PRKCD: variants seen among roughly 807,000 people sequenced by gnomAD.
PRKCD encodes protein kinase C delta type.
In PRKCD, 20 loss-of-function variants were observed where a neutral mutation model predicts 82.2. That is an observed-to-expected ratio of 0.24 (90% CI 0.17 to 0.35). PRKCD has a LOEUF of 0.35. PRKCD is among the 10% of genes least tolerant of loss of function. The pLI is 1.00. For missense variants in PRKCD, 607 were observed against 899.0 expected (o/e 0.68, Z 4.15); for synonymous variants, 317 against 337.0 (o/e 0.94, Z 0.65).
At chr3:53,186,104 T>A in intron 12 of PRKCD, 63 bp from the exon 13 acceptor site, 1 of 1,607,786 alleles carries the variant, frequency 6.2e-7, no homozygotes, top group Non-Finnish European at 8.5e-7. Flanking sequence ...GGTGGGAGTC[T>A]GTGAATCGGG....
At chr3:53,179,214 A>T (rs1416984423) in intron 3 of PRKCD, among the ~76,000 whole-genome samples, 1 of 152,202 alleles carries the variant, frequency 6.6e-6, no homozygotes, top group African/African-American at 2.4e-5. Context: ...GGGCCTGGGG[A>T]TCCAGGAGGA....
At chr3:53,161,801 T>A (rs1575519186) in intron 1 of PRKCD, among the ~76,000 whole-genome samples, 1 of 149,510 alleles carries the variant, frequency 6.7e-6, no homozygotes, top group East Asian at 2.0e-4. Flanking sequence ...GATCCTTCTG[T>A]CCCTCGCCAC....
At position 53,187,239 on chromosome 3, in the gene PRKCD, T is replaced by C. The variant is rs528247585; in HGVS notation, c.1353-101T>C. 44 of 1,288,640 alleles carry C rather than the reference T, an allele frequency of 3.4e-5. 1 individual carries two copies. In the South Asian group the frequency reaches 5.2e-4, roughly 15 times the overall value. The allele number at this position is 1,288,640 out of a possible 1,614,324, so 79.8% of individuals were successfully genotyped here. ...TGCTCAGGTGGTCCATGGAGTTATTTGCAGCATTTCTTGCTCCTGGAAGTG... is the reference window on the plus strand; with the variant it reads ...TGCTCAGGTGGTCCATGGAGTTATTCGCAGCATTTCTTGCTCCTGGAAGTG... On this transcript the variant is annotated intron_variant, in intron 14 of 18. Coordinates refer to ENST00000330452, the MANE Select transcript of PRKCD (RefSeq NM_006254.4).
Position 53,169,538 on chromosome 3 carries a change from G to A in PRKCD, c.-20+4323G>A, listed in dbSNP as rs1702948228. 6.6e-6 allele frequency among the ~76,000 whole-genome samples: 1 copy of A among 152,202 alleles called. No homozygotes were observed. The highest frequency in any genetic ancestry group is 2.4e-5 in the African/African-American group (1 of 41,454). ...CCGTGTTGGGTAAACAGGCAGAGCAGAGCAGGCAGTCGCCAAGGCCTGAGG... is the reference window on the plus strand; with the variant it reads ...CCGTGTTGGGTAAACAGGCAGAGCAAAGCAGGCAGTCGCCAAGGCCTGAGG... On this transcript the variant is annotated intron_variant, in intron 2 of 18. Coordinates refer to ENST00000330452, the MANE Select transcript of PRKCD (RefSeq NM_006254.4). The surrounding 1 kb of genome is among the most constrained non-coding windows in gnomAD (Gnocchi z 4.7).
chr3:53,172,828 C>G (rs1179660378), intron 2 of PRKCD, among the ~76,000 whole-genome samples: 1 of 152,186 alleles, frequency 6.6e-6, no homozygotes, highest in East Asian at 1.9e-4. Flanking sequence ...GCAGCCTGAT[C>G]AAGCCTCTTT....
intron 1 of PRKCD, among the ~76,000 whole-genome samples, chr3:53,162,098 A>G (rs1455940860): frequency 6.6e-6 from 1 of 150,596 alleles, no homozygotes; most frequent in Admixed American, 6.6e-5. Context: ...CGGTCCCTTC[A>G]TCCGTCTCTG....
intron 18 of PRKCD, among the ~76,000 whole-genome samples, chr3:53,190,809 A>G (rs1177797311): frequency 6.6e-6 from 1 of 152,176 alleles, no homozygotes; most frequent in Non-Finnish European, 1.5e-5. Context: ...CTTTGAGGCT[A>G]CAGAGCACTT....
chr3:53,164,302 A>G (rs1702764879), intron 1 of PRKCD, among the ~76,000 whole-genome samples: 1 of 152,210 alleles, frequency 6.6e-6, no homozygotes, highest in African/African-American at 2.4e-5. Context: ...GTCACTCTTC[A>G]GTCTGGGCAC....
At chr3:53,189,745 C>T (rs1553670385) in intron 17 of PRKCD, 128 bp from the exon 18 acceptor site, 1 of 1,359,012 alleles carries the variant, frequency 7.4e-7, no homozygotes, top group African/African-American at 1.4e-5. Context: ...CCCTCAGCCC[C>T]ACCGTTCCCC....
intron 18 of PRKCD, among the ~76,000 whole-genome samples, chr3:53,190,828 C>G (rs1198572835): frequency 1.3e-5 from 2 of 152,222 alleles, no homozygotes; most frequent in Non-Finnish European, 2.9e-5. Context: ...TTCCCCTACA[C>G]CAGGGACCTC....
chr3:53,161,820 T>C (rs1210343082), intron 1 of PRKCD, among the ~76,000 whole-genome samples: 1 of 146,414 alleles, frequency 6.8e-6, no homozygotes, highest in Non-Finnish European at 1.5e-5. Flanking sequence ...ACCCGATCCG[T>C]CCGTCCCTTG....
intron 13 of PRKCD, 118 bp from the exon 14 acceptor site, chr3:53,186,486 G>A (rs750071153): frequency 7.2e-6 from 10 of 1,379,638 alleles, no homozygotes; most frequent in Non-Finnish European, 6.1e-6. Flanking sequence ...GGGCAGAGTC[G>A]TCCACCTCAG....
chr3:53,167,632 A>G (rs1215434962), intron 2 of PRKCD, among the ~76,000 whole-genome samples: 1 of 152,278 alleles, frequency 6.6e-6, no homozygotes, highest in Non-Finnish European at 1.5e-5. Flanking sequence ...AGTAGCTGGC[A>G]TCGTGCTTAG....
chr3:53,181,076 C>T, intron 4 of PRKCD, 131 bp from the exon 5 acceptor site: 2 of 943,448 alleles, frequency 2.1e-6, no homozygotes, highest in Non-Finnish European at 3.2e-6. Flanking sequence ...ACTGGGCAGA[C>T]AAGTGTCTGG....
intron 1 of PRKCD, among the ~76,000 whole-genome samples, chr3:53,164,722 C>T (rs142509288): frequency 2.0e-3 from 308 of 152,258 alleles, no homozygotes; most frequent in African/African-American, 7.1e-3. Flanking sequence ...AAAACTGAGG[C>T]TCAGGGAAAT....
chr3:53,178,227 T>C (rs1017688205), intron 2 of PRKCD, among the ~76,000 whole-genome samples, 177 bp from the exon 3 acceptor site: 1 of 152,218 alleles, frequency 6.6e-6, no homozygotes, highest in African/African-American at 2.4e-5. Context: ...CGTCAGCCAC[T>C]GCGCCTGGCA....
At chr3:53,187,202 T>C in intron 14 of PRKCD, 138 bp from the exon 15 acceptor site, 1 of 976,848 alleles carries the variant, frequency 1.0e-6, no homozygotes, top group Admixed American at 1.9e-5. Context: ...TGATACAAGA[T>C]GTACTTGATC....
intron 9 of PRKCD, 92 bp downstream of exon 9, chr3:53,183,673 C>T (rs1703555632): frequency 6.6e-7 from 1 of 1,516,168 alleles, no homozygotes; most frequent in Non-Finnish European, 8.9e-7. Context: ...CTCGCCTCCT[C>T]ACCTGGAGAC....
intron 17 of PRKCD, 74 bp from the exon 18 acceptor site, chr3:53,189,799 C>A: frequency 6.3e-7 from 1 of 1,597,440 alleles, no homozygotes; most frequent in African/African-American, 1.3e-5. Context: ...CATCCCTGGG[C>A]CTGCTGGGGA....
Sources: allele counts gnomAD v4.1 joint callset (sites outside exome capture counted in the v4.1 genomes callset), GRCh38; gene constraint gnomAD v4.1.1; non-coding constraint Gnocchi (gnomAD v3.1); transcripts MANE v1.5; gene names NCBI Gene and HGNC (gene_info 2026-07-23, HGNC 2026-07-21).